Variants in ADARB2 observed in about 807,000 individuals in gnomAD.
ADARB2 encodes the protein inactive double-stranded RNA-specific editase B2.
Under a neutral mutation model 62.2 loss-of-function variants are expected in ADARB2, and 25 were observed. That is an observed-to-expected ratio of 0.40 (90% CI 0.29 to 0.56). The LOEUF (loss-of-function observed/expected upper bound fraction) is 0.56, where lower values mean the gene tolerates loss of function less well. Among genes scored for constraint, ADARB2 ranks in the 20% least tolerant of loss-of-function variants. ADARB2 has a pLI of 0.43. For missense variants in ADARB2, 1,071 were observed against 1,077.4 expected, an observed-to-expected ratio of 0.99 and a Z score of 0.08; for synonymous variants, 572 against 500.8, an observed-to-expected ratio of 1.14 and a Z score of -1.90.
chr10:1,403,570 G>C (rs1392687808), intron 1 of ADARB2, among the ~76,000 whole-genome samples: 2 of 152,198 alleles, frequency 1.3e-5, no homozygotes, highest in Non-Finnish European at 2.9e-5. Context: ...AGCTAACGGG[G>C]AAGCCACTTC....
intron 1 of ADARB2, among the ~76,000 whole-genome samples, chr10:1,561,167 G>A (rs1455143064): frequency 6.6e-6 from 1 of 152,142 alleles, no homozygotes; most frequent in African/African-American, 2.4e-5. Flanking sequence ...AGACATCAAG[G>A]AGATACTTGA....
At chr10:1,290,236 T>G (rs1831453810) in intron 3 of ADARB2, 1 of 152,050 alleles carries the variant, frequency 6.6e-6, no homozygotes, top group Non-Finnish European at 1.5e-5. Flanking sequence ...GTCCTCTGCA[T>G]GTTGTTGTTT....
rs925173851 is a variant in ADARB2, at chr10:1,722,197, C to G, written c.100+14854G>C. 2.0e-5 allele frequency among the ~76,000 whole-genome samples: 3 copies of G among 152,214 alleles called. No individual in the cohort carries two copies. In the South Asian group the frequency reaches 6.2e-4, roughly 32 times the overall value. ...ACAACATGTTTTCTTGGGAGGGTCG[C>G]ACTTATTTAACCTTTAAATTGACAT... On this transcript the variant is annotated intron_variant, in intron 1 of 9. Transcript: ENST00000381312.
chr10:1,366,267 G>A (rs1249605187), intron 2 of ADARB2, among the ~76,000 whole-genome samples: 1 of 152,208 alleles, frequency 6.6e-6, no homozygotes, highest in Admixed American at 6.5e-5. Flanking sequence ...GGTGATGAAT[G>A]CATTTGATGA....
chr10:1,347,839 G>C (rs1832094423), intron 3 of ADARB2, among the ~76,000 whole-genome samples: 2 of 152,162 alleles, frequency 1.3e-5, no homozygotes. Context: ...GTAATTGGGA[G>C]ATGAATGGGA....
At chr10:1,592,259 TGGCCC>T (rs1375357918) in intron 1 of ADARB2, among the ~76,000 whole-genome samples, 56 of 152,254 alleles carry the variant, frequency 3.7e-4, no homozygotes, top group African/African-American at 1.3e-3. Flanking sequence ...CCAGCTCCCC[TGGCCC>T]AAGCCACACT....
intron 5 of ADARB2, among the ~76,000 whole-genome samples, chr10:1,241,245 C>T (rs985483954): frequency 6.6e-6 from 1 of 151,692 alleles, no homozygotes; most frequent in African/African-American, 2.4e-5. Flanking sequence ...GGCGACAGAG[C>T]AAGACTCCAT....
intron 1 of ADARB2, among the ~76,000 whole-genome samples, chr10:1,574,271 G>A (rs1365067806): frequency 6.6e-6 from 1 of 152,246 alleles, no homozygotes; most frequent in Non-Finnish European, 1.5e-5. Context: ...CAGAGGACAT[G>A]AGTCGAACCT....
At chr10:1,578,791 T>TC (rs34436632) in intron 1 of ADARB2, among the ~76,000 whole-genome samples, 19 of 151,410 alleles carry the variant, frequency 1.3e-4, no homozygotes, top group Admixed American at 5.3e-4. Flanking sequence ...TACAGACATG[T>TC]CCCCCCCATA....
At chr10:1,670,642 G>C (rs1834372424) in intron 1 of ADARB2, among the ~76,000 whole-genome samples, 1 of 152,234 alleles carries the variant, frequency 6.6e-6, no homozygotes, top group Non-Finnish European at 1.5e-5. Context: ...CTGGACACCT[G>C]AGTGTGCAGC....
At chr10:1,683,655 G>A (rs538035225) in intron 1 of ADARB2, among the ~76,000 whole-genome samples, 25 of 152,258 alleles carry the variant, frequency 1.6e-4, no homozygotes, top group Non-Finnish European at 2.5e-4. Context: ...GAGTCAGAGC[G>A]GGTCATGGCA....
intron 1 of ADARB2, among the ~76,000 whole-genome samples, chr10:1,663,957 T>C (rs4880907): frequency 0.96 from 146,214 of 152,282 alleles, 70,329 homozygotes; most frequent in Non-Finnish European, 0.99. Context: ...TTCCCTGGTC[T>C]GAACGTGCTA....
chr10:1,520,808 G>T (rs35577542), intron 1 of ADARB2, among the ~76,000 whole-genome samples: 2 of 152,198 alleles, frequency 1.3e-5, no homozygotes, highest in Non-Finnish European at 2.9e-5. Flanking sequence ...AGGCTTCTCA[G>T]AGAACACTAT....
chr10:1,510,098 T>TTTCTTTCTC (rs1831907223), intron 1 of ADARB2, among the ~76,000 whole-genome samples: 1 of 121,250 alleles, frequency 8.2e-6, no homozygotes, highest in Non-Finnish European at 1.8e-5. Context: ...TCTCTCTCTT[T>TTTCTTTCTC]TCTTTCTTTC....
At chr10:1,207,935 G>A (rs1001925423) in intron 7 of ADARB2, among the ~76,000 whole-genome samples, 1 of 152,230 alleles carries the variant, frequency 6.6e-6, no homozygotes, top group East Asian at 1.9e-4. Flanking sequence ...TGAGAGTCTA[G>A]CCTGGCTCCA....
At chr10:1,346,131 T>C (rs1433297601) in intron 3 of ADARB2, among the ~76,000 whole-genome samples, 4 of 152,216 alleles carry the variant, frequency 2.6e-5, no homozygotes, top group Non-Finnish European at 5.9e-5. Flanking sequence ...AATACTTGAG[T>C]GAATTCACAA....
chr10:1,723,622 C>T (rs989903328), intron 1 of ADARB2, among the ~76,000 whole-genome samples: 17 of 152,180 alleles, frequency 1.1e-4, no homozygotes, highest in Admixed American at 3.9e-4. Context: ...GAGAACGGTC[C>T]GCTTGCCACC....
At chr10:1,223,856 C>G (rs961658881) in intron 6 of ADARB2, among the ~76,000 whole-genome samples, 1 of 152,228 alleles carries the variant, frequency 6.6e-6, no homozygotes, top group Non-Finnish European at 1.5e-5. Flanking sequence ...TGCATCAATG[C>G]TCATCAAGGA....
chr10:1,177,519 T>C lies in ADARB2; in HGVS notation c.*5674A>G, dbSNP rs1404515990. 6.6e-6 allele frequency: 1 copy of C among 152,146 alleles called. No homozygotes were observed. Among genetic ancestry groups the C allele is most frequent in the African/African-American group, 2.4e-5 (1 of 41,420 alleles). The allele number at this position is 152,146 out of a possible 1,614,324, so 9.4% of individuals were successfully genotyped here. ...TGCTTTTTATGTACATACCTTCAATTAGAATTACTATGTGTTAAGTTCATT... is the reference window on the plus strand; with the variant it reads ...TGCTTTTTATGTACATACCTTCAATCAGAATTACTATGTGTTAAGTTCATT... On this transcript the variant is annotated 3_prime_UTR_variant, in exon 10 of 10. Coordinates refer to ENST00000381312, the MANE Select transcript of ADARB2 (RefSeq NM_018702.4).
Sources: allele counts gnomAD v4.1 joint callset (sites outside exome capture counted in the v4.1 genomes callset), GRCh38; gene constraint gnomAD v4.1.1; transcripts MANE v1.5; gene names NCBI Gene and HGNC (gene_info 2026-07-23, HGNC 2026-07-21).